The following ALKBH3 variants were observed in gnomAD, a reference collection of about 807,000 sequenced individuals.
ALKBH3 encodes alkB homolog 3, alpha-ketoglutarate dependent dioxygenase.
A neutral mutation model predicts 43.9 loss-of-function variants in ALKBH3; 51 were observed. The ratio of observed to expected loss-of-function variants is 1.16; its 90% CI spans 0.93 to 1.47. The LOEUF (loss-of-function observed/expected upper bound fraction) is 1.47. Ranked by LOEUF, ALKBH3 falls within the 40% of genes most tolerant of loss-of-function variation. The pLI is 0.00. For synonymous variants in ALKBH3, 102 were observed against 115.2 expected (o/e 0.89, Z 0.73); for missense variants, 361 against 351.9 (o/e 1.03, Z -0.21).
At chr11:43,889,966 G>A (rs1951771776) in intron 6 of ALKBH3, 138 bp downstream of exon 6, 10 of 706,346 alleles carry the variant, frequency 1.4e-5, no homozygotes, top group South Asian at 3.8e-5. Context: ...AGTAGAATTA[G>A]CCAAAAAGGA....
intron 7 of ALKBH3, among the ~76,000 whole-genome samples, chr11:43,900,247 A>G (rs1951853084): frequency 1.2e-5 from 1 of 82,560 alleles, no homozygotes; most frequent in Non-Finnish European, 2.3e-5. Context: ...TTTTTGCGAC[A>G]GAGTCTCGCT....
rs976591938 is a variant in ALKBH3, at chr11:43,913,488, ACT to A, written c.670-5547_670-5546del. Among the ~76,000 whole-genome samples, 105 of 152,294 alleles carry A rather than the reference ACT, an allele frequency of 6.9e-4. 1 individual carries two copies. The highest frequency in any genetic ancestry group is 2.3e-3 in the African/African-American group (96 of 41,556). On this transcript the variant is annotated intron_variant, in intron 8 of 9. Coordinates refer to ENST00000302708, the MANE Select transcript of ALKBH3 (RefSeq NM_139178.4). ...TTAAACAAATCCACTATAATTTAAA[ACT>A]CTGTCCATTGCTTGAAACCTTGGAG...
chr11:43,897,706 A>G, intron 7 of ALKBH3: 2 of 812,972 alleles, frequency 2.5e-6, no homozygotes, highest in Non-Finnish European at 4.5e-6. Flanking sequence ...GTCCAGAAGA[A>G]CTCACTGAAT....
intron 8 of ALKBH3, among the ~76,000 whole-genome samples, chr11:43,907,782 G>A (rs1395762269): frequency 6.6e-6 from 1 of 152,082 alleles, no homozygotes; most frequent in African/African-American, 2.4e-5. Context: ...CAGGCACCAG[G>A]GCATGCAGAG....
intron 8 of ALKBH3, among the ~76,000 whole-genome samples, chr11:43,902,234 A>G (rs1951868548): frequency 6.6e-6 from 1 of 152,160 alleles, no homozygotes; most frequent in Non-Finnish European, 1.5e-5. Context: ...TTCTCCTGAA[A>G]TACAGGTGAA....
chr11:43,884,595 G>C (rs1189986537), intron 4 of ALKBH3, among the ~76,000 whole-genome samples: 2 of 152,154 alleles, frequency 1.3e-5, no homozygotes, highest in East Asian at 1.9e-4. Context: ...ATCTGATGTA[G>C]ATAAATTGTC....
intron 3 of ALKBH3, among the ~76,000 whole-genome samples, chr11:43,883,460 G>T (rs2135174860): frequency 6.6e-6 from 1 of 152,282 alleles, no homozygotes; most frequent in South Asian, 2.1e-4. Flanking sequence ...GGTTATTTGA[G>T]CTCCAGCAGT....
chr11:43,914,439 G>A (rs1026023128), intron 8 of ALKBH3, among the ~76,000 whole-genome samples: 2 of 152,154 alleles, frequency 1.3e-5, no homozygotes, highest in African/African-American at 4.8e-5. Flanking sequence ...AGTCTGGCAG[G>A]ATGCTTTGGT....
intron 4 of ALKBH3, among the ~76,000 whole-genome samples, chr11:43,884,729 A>G (rs1320083160): frequency 1.3e-5 from 2 of 152,142 alleles, no homozygotes; most frequent in East Asian, 3.9e-4. Context: ...AAAAAGTCGC[A>G]GGCTAATAGT....
At chr11:43,883,032 GT>G in intron 2 of ALKBH3, 52 bp from the exon 3 acceptor site, 1 of 1,444,662 alleles carries the variant, frequency 6.9e-7, no homozygotes, top group African/African-American at 1.4e-5. Context: ...TCAGTAGAAG[GT>G]GCTGAGAACA....
chr11:43,891,982 CAGT>C, intron 6 of ALKBH3, 56 bp from the exon 7 acceptor site: 1 of 1,356,474 alleles, frequency 7.4e-7, no homozygotes, highest in Non-Finnish European at 1.0e-6. Flanking sequence ...AGTTGGCACT[CAGT>C]AGTAACACCT....
rs1365845624 is a variant in ALKBH3, at chr11:43,897,766, A to T, written c.460-3750A>T. The stretch of plus-strand genomic sequence containing the variant: ...GAGGGTCATAATGAAACATTTTCCA[A>T]TTGCTATACCGTTCACCCTGAAAAT... On this transcript the variant is annotated intron_variant, in intron 7 of 9. Transcript: ENST00000302708. The T allele has an allele frequency of 5.0e-6, 4 of 803,352 alleles. No individual in the cohort carries two copies. The Admixed American group carries it at 6.8e-5, about 14-fold the overall frequency. The allele number at this position is 803,352 out of a possible 1,614,324, so 49.8% of individuals were successfully genotyped here. A position where few individuals can be genotyped will look rare whatever the true frequency, so the allele number is the denominator to read the frequency against.
chr11:43,888,777 T>G (rs2135179544), intron 5 of ALKBH3, among the ~76,000 whole-genome samples: 1 of 152,364 alleles, frequency 6.6e-6, no homozygotes, highest in African/African-American at 2.4e-5. Context: ...AGTGAAGATT[T>G]GCTACCAAGG....
chr11:43,883,123 C>G lies in ALKBH3; in HGVS notation c.118C>G (p.Gln40Glu). The G allele has an allele frequency of 6.2e-7, 1 of 1,614,104 alleles. No individual in the cohort carries two copies. Among genetic ancestry groups the G allele is most frequent in the East Asian group, 2.2e-5 (1 of 44,884 alleles). Residue 40 changes from glutamine (Q) to glutamate (E), a missense_variant, in exon 3 of 10, where the codon CAG (glutamine) becomes GAG (glutamate). Transcript: ENST00000302708. ...GAGCCATCTCCACCAGAAGCCTGGCCAGACCTGGAAGAACAAAGAGCATCA... is the reference window on the plus strand; with the variant it reads ...GAGCCATCTCCACCAGAAGCCTGGCGAGACCTGGAAGAACAAAGAGCATCA... ...AKSHLHQKPG[Q>E]TWKNKEHHLS... is the part of the protein sequence containing the mutation.
intron 8 of ALKBH3, 59 bp downstream of exon 8, chr11:43,901,784 G>A (rs1490148293): frequency 1.9e-6 from 3 of 1,578,254 alleles, no homozygotes; most frequent in South Asian, 1.1e-5. Flanking sequence ...GGAAAAAGTA[G>A]AACTCCTAAA....
At chr11:43,882,037 A>G (rs1320202088) in intron 1 of ALKBH3, among the ~76,000 whole-genome samples, 1 of 152,220 alleles carries the variant, frequency 6.6e-6, no homozygotes, top group African/African-American at 2.4e-5. Context: ...TGGGTGCATC[A>G]TTGAACTTTA....
intron 7 of ALKBH3, among the ~76,000 whole-genome samples, chr11:43,896,801 G>A (rs1951822141): frequency 1.3e-5 from 2 of 152,172 alleles, no homozygotes; most frequent in South Asian, 4.1e-4. Flanking sequence ...AAATGTGTCA[G>A]CATTTAGAAG....
chr11:43,918,293 T>C (rs1160132862), intron 8 of ALKBH3, among the ~76,000 whole-genome samples: 8 of 152,224 alleles, frequency 5.3e-5, no homozygotes, highest in African/African-American at 1.7e-4. Flanking sequence ...CCTGAGAATA[T>C]TGGACATAAA....
chr11:43,894,823 A>G (rs1050139665), intron 7 of ALKBH3, among the ~76,000 whole-genome samples: 2 of 152,196 alleles, frequency 1.3e-5, no homozygotes, highest in African/African-American at 4.8e-5. Flanking sequence ...ATTCTCTTGA[A>G]CAAAGGTTTA....
Sources: allele counts gnomAD v4.1 joint callset (sites outside exome capture counted in the v4.1 genomes callset), GRCh38; gene constraint gnomAD v4.1.1; transcripts MANE v1.5; gene names NCBI Gene and HGNC (gene_info 2026-07-23, HGNC 2026-07-21).